PDE4D: variants seen among roughly 807,000 people sequenced by gnomAD.
The protein encoded by PDE4D is 3',5'-cyclic-AMP phosphodiesterase 4D.
PDE4D carries 24 observed loss-of-function variants against 87.4 expected under a neutral mutation model. That is an observed-to-expected ratio of 0.27 (90% CI 0.20 to 0.39). The LOEUF (loss-of-function observed/expected upper bound fraction) is 0.39, where lower values mean the gene tolerates loss of function less well. Ranked by LOEUF, PDE4D falls within the 10% of genes least tolerant of loss-of-function variation. The pLI, the probability that PDE4D is intolerant of heterozygous loss-of-function variation, is 1.00. For synonymous variants in PDE4D, 384 were observed against 383.2 expected, an observed-to-expected ratio of 1.00 and a Z score of -0.02; for missense variants, 714 against 1,041.0, an observed-to-expected ratio of 0.69 and a Z score of 4.32.
intron 3 of PDE4D, among the ~76,000 whole-genome samples, chr5:59,921,851 T>C (rs1754701775): frequency 6.6e-6 from 1 of 151,902 alleles, no homozygotes; most frequent in South Asian, 2.1e-4. Flanking sequence ...AATTTAACAA[T>C]GATCCACACA....
At chr5:59,075,048 T>G (rs1765448602) in intron 5 of PDE4D, among the ~76,000 whole-genome samples, 1 of 150,718 alleles carries the variant, frequency 6.6e-6, no homozygotes, top group Non-Finnish European at 1.5e-5. Context: ...TGAAATGCTT[T>G]GTTGAGAAGG....
At position 60,419,791 on chromosome 5, in the gene PDE4D, C is replaced by T. The variant is rs116567865; in HGVS notation, c.-90+68151G>A. ...AACTAAGTAAAATATATGAGGCAAC[C>T]GTTTTCAAACAGTGGCTAACAAGCC... On this transcript the variant is annotated intron_variant, in intron 1 of 16. Transcript: ENST00000502484. Among the ~76,000 whole-genome samples the T allele has an allele frequency of 9.9e-4, 150 of 152,194 alleles. 2 individuals carry two copies. Among genetic ancestry groups the T allele is most frequent in the African/African-American group, 3.5e-3 (145 of 41,526 alleles).
At chr5:60,290,164 A>G (rs540747345) in intron 1 of PDE4D, among the ~76,000 whole-genome samples, 1 of 152,344 alleles carries the variant, frequency 6.6e-6, no homozygotes, top group Admixed American at 6.5e-5. Context: ...AGCCATTCAT[A>G]TAACAGTTGC....
chr5:59,784,378 CAA>C lies in PDE4D; in HGVS notation c.455+108788_455+108789del, dbSNP rs1764946433. Among the ~76,000 whole-genome samples the C allele has an allele frequency of 2.6e-5, 4 of 152,026 alleles. 1 individual carries two copies. Among genetic ancestry groups the C allele is most frequent in the African/African-American group, 9.6e-5 (4 of 41,470 alleles). Reference sequence around the variant, plus strand: ...ATATTCTAAATAGGCAGAATGGGTTCAAATTCCTCTCAATTCTTTCTGATTGA... The same window carrying C: ...ATATTCTAAATAGGCAGAATGGGTTCATTCCTCTCAATTCTTTCTGATTGA... On this transcript the variant is annotated intron_variant, in intron 1 of 14. Transcript: ENST00000340635.
chr5:59,141,728 G>A (rs995486898), intron 5 of PDE4D, among the ~76,000 whole-genome samples: 2 of 152,178 alleles, frequency 1.3e-5, no homozygotes, highest in Non-Finnish European at 2.9e-5. Flanking sequence ...TGAAAGGGAC[G>A]ATGTTGTGGA....
intron 5 of PDE4D, among the ~76,000 whole-genome samples, chr5:59,096,740 G>T (rs1001325934): frequency 6.6e-6 from 1 of 152,154 alleles, no homozygotes; most frequent in African/African-American, 2.4e-5. Flanking sequence ...AATAAAAATG[G>T]AGAGTTCAGA....
At chr5:59,290,185 A>T (rs1767745881) in intron 1 of PDE4D, among the ~76,000 whole-genome samples, 1 of 152,036 alleles carries the variant, frequency 6.6e-6, no homozygotes. Context: ...ATTTATATGA[A>T]ACTATAAAAG....
intron 1 of PDE4D, among the ~76,000 whole-genome samples, chr5:59,841,502 A>G (rs77468923): frequency 0.032 from 4,938 of 152,162 alleles, 127 homozygotes; most frequent in African/African-American, 0.061. Context: ...TTCATTACAT[A>G]TACTAACTCA....
At chr5:59,239,667 C>T (rs531136876) in intron 1 of PDE4D, among the ~76,000 whole-genome samples, 2 of 152,200 alleles carry the variant, frequency 1.3e-5, no homozygotes, top group Non-Finnish European at 2.9e-5. Context: ...GATCCAATGG[C>T]CCCTTAGTAA....
intron 1 of PDE4D, among the ~76,000 whole-genome samples, chr5:60,341,786 A>C (rs1323664162): frequency 2.0e-5 from 3 of 152,166 alleles, no homozygotes; most frequent in Non-Finnish European, 4.4e-5. Context: ...CAAAACTCAG[A>C]ACTATGCACC....
intron 1 of PDE4D, among the ~76,000 whole-genome samples, chr5:59,597,855 C>T (rs295979): frequency 0.82 from 124,063 of 152,026 alleles, 51,408 homozygotes; most frequent in South Asian, 0.91. Flanking sequence ...ATTCACCTAG[C>T]ATTTTACACA....
chr5:59,693,171 C>T (rs189378900), intron 1 of PDE4D, among the ~76,000 whole-genome samples: 1 of 151,394 alleles, frequency 6.6e-6, no homozygotes, highest in Non-Finnish European at 1.5e-5. Flanking sequence ...AACAACATAA[C>T]TGAAGGAAAA....
chr5:59,153,530 G>T (rs1779738961), intron 5 of PDE4D, among the ~76,000 whole-genome samples: 1 of 152,042 alleles, frequency 6.6e-6, no homozygotes, highest in South Asian at 2.1e-4. Context: ...TCTCAAATAG[G>T]AGAAAAAGTT....
At position 60,393,239 on chromosome 5, in the gene PDE4D, G is replaced by A. The variant is rs141550650; in HGVS notation, c.-90+94703C>T. Among the ~76,000 whole-genome samples the A allele has an allele frequency of 7.5e-3, 1,142 of 152,162 alleles. 11 individuals are homozygous for A. The highest frequency in any genetic ancestry group is 0.026 in the African/African-American group (1,081 of 41,502). ...CCATAAGGTGGATGTGTCACACATCGGAACAACTTCATAGGAAAACAGTGA... is the reference window on the plus strand; with the variant it reads ...CCATAAGGTGGATGTGTCACACATCAGAACAACTTCATAGGAAAACAGTGA... On this transcript the variant is annotated intron_variant, in intron 1 of 16. Transcript: ENST00000502484.
At chr5:59,314,086 C>T (rs1773207788) in intron 1 of PDE4D, 1 of 152,134 alleles carries the variant, frequency 6.6e-6, no homozygotes, top group South Asian at 2.1e-4. Context: ...GGATCTTATT[C>T]ATGGTGGGAT....
At chr5:59,913,275 G>A (rs1444717291) in intron 3 of PDE4D, among the ~76,000 whole-genome samples, 1 of 152,146 alleles carries the variant, frequency 6.6e-6, no homozygotes, top group Admixed American at 6.5e-5. Context: ...ACTTAACTAT[G>A]AAACATTGAC....
intron 1 of PDE4D, among the ~76,000 whole-genome samples, chr5:60,431,509 T>A (rs962049696): frequency 7.0e-6 from 1 of 142,528 alleles, no homozygotes; most frequent in African/African-American, 2.7e-5. Context: ...ACTTCCTAGA[T>A]GGGATGGAGG....
chr5:59,618,764 G>C (rs773140012), intron 1 of PDE4D, among the ~76,000 whole-genome samples: 1 of 152,038 alleles, frequency 6.6e-6, no homozygotes, highest in Non-Finnish European at 1.5e-5. Context: ...CATTGTAACA[G>C]TATTAAGAGG....
intron 1 of PDE4D, among the ~76,000 whole-genome samples, chr5:59,679,838 T>C (rs557853013): frequency 6.6e-6 from 1 of 152,254 alleles, no homozygotes; most frequent in African/African-American, 2.4e-5. Context: ...ATAAAAATAC[T>C]ATTAAACATA....
Sources: allele counts gnomAD v4.1 joint callset (sites outside exome capture counted in the v4.1 genomes callset), GRCh38; gene constraint gnomAD v4.1.1; transcripts MANE v1.5; gene names NCBI Gene and HGNC (gene_info 2026-07-23, HGNC 2026-07-21).